ANKS1B: variants seen among roughly 807,000 people sequenced by gnomAD.
ANKS1B encodes the protein ankyrin repeat and sterile alpha motif domain containing 1B.
Under a neutral mutation model 148.3 loss-of-function variants are expected in ANKS1B, and 36 were observed. The observed-to-expected ratio is 0.24, with a 90% CI of 0.19 to 0.32. The LOEUF (loss-of-function observed/expected upper bound fraction) is 0.32. ANKS1B is among the 10% of genes least tolerant of loss of function. The pLI, the probability that ANKS1B is intolerant of heterozygous loss-of-function variation, is 1.00. For missense variants in ANKS1B, 1,157 were observed against 1,542.6 expected, an observed-to-expected ratio of 0.75 and a Z score of 4.19; for synonymous variants, 542 against 560.8, an observed-to-expected ratio of 0.97 and a Z score of 0.47.
At chr12:99,182,316 T>C (rs1161453501) in intron 14 of ANKS1B, among the ~76,000 whole-genome samples, 1 of 152,142 alleles carries the variant, frequency 6.6e-6, no homozygotes, top group Non-Finnish European at 1.5e-5. Context: ...GAGATTTGGG[T>C]GGGGACACAG....
intron 14 of ANKS1B, among the ~76,000 whole-genome samples, chr12:99,229,546 A>G (rs1278748839): frequency 6.6e-6 from 1 of 152,032 alleles, no homozygotes; most frequent in African/African-American, 2.4e-5. Context: ...CTTTGCTATT[A>G]GAACAGAAGA....
chr12:99,339,093 A>T (rs1385234088), intron 12 of ANKS1B, among the ~76,000 whole-genome samples: 1 of 152,070 alleles, frequency 6.6e-6, no homozygotes, highest in Non-Finnish European at 1.5e-5. Flanking sequence ...AAGGGCTAAG[A>T]TTTGCCCAGG....
At chr12:99,582,032 T>G (rs1408504450) in intron 9 of ANKS1B, among the ~76,000 whole-genome samples, 1 of 152,050 alleles carries the variant, frequency 6.6e-6, no homozygotes, top group Non-Finnish European at 1.5e-5. Context: ...TAACTGGTTT[T>G]TGTTTAATCA....
intron 14 of ANKS1B, among the ~76,000 whole-genome samples, chr12:99,183,418 C>T (rs552033570): frequency 6.6e-5 from 10 of 152,162 alleles, no homozygotes; most frequent in African/African-American, 1.9e-4. Context: ...CCAAGGCGGG[C>T]GGATCATGAG....
chr12:99,316,345 T>A (rs1302779245), intron 12 of ANKS1B, among the ~76,000 whole-genome samples: 1 of 151,806 alleles, frequency 6.6e-6, no homozygotes, highest in Admixed American at 6.6e-5. Flanking sequence ...GTTTCCTGAC[T>A]TTTTAATGAT....
rs540887166 is a variant in ANKS1B, at chr12:99,316,687, G to T, written c.1757-69823C>A. Reference sequence around the variant, plus strand: ...TCTTTAGTTTAATTAGATCCCATTTGTCAATTTTGGCTTTTGTTGCCATTG... The same window carrying T: ...TCTTTAGTTTAATTAGATCCCATTTTTCAATTTTGGCTTTTGTTGCCATTG... On this transcript the variant is annotated intron_variant, in intron 12 of 26. Transcript: ENST00000683438. Among the ~76,000 whole-genome samples the T allele has an allele frequency of 2.5e-3, 387 of 152,158 alleles. 2 individuals are homozygous for T. The highest frequency in any genetic ancestry group is 9.1e-3 in the African/African-American group (379 of 41,538).
intron 17 of ANKS1B, among the ~76,000 whole-genome samples, chr12:98,955,676 G>A (rs1409353097): frequency 2.6e-5 from 4 of 152,150 alleles, no homozygotes; most frequent in Non-Finnish European, 5.9e-5. Context: ...GAGAGACAGA[G>A]AGGCATCCAG....
chr12:98,940,416 A>G (rs546864008), intron 17 of ANKS1B, among the ~76,000 whole-genome samples: 21 of 152,274 alleles, frequency 1.4e-4, no homozygotes, highest in Admixed American at 8.5e-4. Flanking sequence ...CCTTTCTTCT[A>G]TCTCTAACCT....
intron 9 of ANKS1B, among the ~76,000 whole-genome samples, chr12:99,560,477 T>C (rs1215379318): frequency 1.3e-5 from 2 of 152,176 alleles, no homozygotes; most frequent in African/African-American, 2.4e-5. Context: ...CTAGCTGTGA[T>C]CTTTAAAATA....
intron 9 of ANKS1B, among the ~76,000 whole-genome samples, chr12:99,593,021 T>A (rs76196180): frequency 6.6e-6 from 1 of 152,232 alleles, no homozygotes; most frequent in East Asian, 1.9e-4. Flanking sequence ...ACCAAAGTTT[T>A]ATTATGCAGA....
At chr12:99,792,806 C>T (rs1438845714) in intron 4 of ANKS1B, among the ~76,000 whole-genome samples, 1 of 151,998 alleles carries the variant, frequency 6.6e-6, no homozygotes, top group Admixed American at 6.6e-5. Flanking sequence ...CACCCACTTT[C>T]ACCACTGTTA....
chr12:99,782,187 T>C, intron 4 of ANKS1B, 90 bp from the exon 5 acceptor site: 1 of 1,048,034 alleles, frequency 9.5e-7, no homozygotes, highest in Non-Finnish European at 1.4e-6. Flanking sequence ...TACATATTCA[T>C]ACATATTTGC....
chr12:99,511,775 T>A (rs549649430), intron 9 of ANKS1B, among the ~76,000 whole-genome samples: 112 of 152,136 alleles, frequency 7.4e-4, no homozygotes, highest in African/African-American at 2.4e-3. Context: ...TACAACAATC[T>A]GATCTTCGAC....
At chr12:99,475,204 C>T (rs1311089330) in intron 10 of ANKS1B, among the ~76,000 whole-genome samples, 2 of 149,458 alleles carry the variant, frequency 1.3e-5, no homozygotes, top group Non-Finnish European at 3.0e-5. Context: ...GAGATCACAC[C>T]ACTGCACTCC....
At chr12:98,894,596 C>G in intron 17 of ANKS1B, 3 of 985,154 alleles carry the variant, frequency 3.0e-6, no homozygotes, top group Non-Finnish European at 2.4e-6. Context: ...GAGCGGGGGC[C>G]GCGGAGCGAG....
intron 14 of ANKS1B, among the ~76,000 whole-genome samples, chr12:99,205,435 T>G (rs527981706): frequency 5.9e-5 from 9 of 152,330 alleles, no homozygotes; most frequent in African/African-American, 1.9e-4. Context: ...ACTAAATTTT[T>G]TTGTTGTTGT....
At chr12:99,336,645 C>A (rs2152308929) in intron 12 of ANKS1B, among the ~76,000 whole-genome samples, 1 of 152,096 alleles carries the variant, frequency 6.6e-6, no homozygotes, top group South Asian at 2.1e-4. Flanking sequence ...AATCTACGTT[C>A]TTAGCACCTT....
intron 11 of ANKS1B, among the ~76,000 whole-genome samples, chr12:99,426,663 C>G (rs1425756225): frequency 6.6e-6 from 1 of 152,114 alleles, no homozygotes; most frequent in Non-Finnish European, 1.5e-5. Flanking sequence ...GAAAATTTTT[C>G]CATCTTCTTT....
chr12:98,876,459 T>G (rs376118262), intron 17 of ANKS1B, among the ~76,000 whole-genome samples: 45 of 152,324 alleles, frequency 3.0e-4, no homozygotes, highest in African/African-American at 1.0e-3. Flanking sequence ...TTAATGTAAT[T>G]GAACAGATTA....
Sources: gnomAD v4.1 joint callset for allele counts (sites outside exome capture counted in the v4.1 genomes callset) on GRCh38, gnomAD v4.1.1 for gene constraint, MANE v1.5 for transcripts, NCBI Gene and HGNC (gene_info 2026-07-23, HGNC 2026-07-21) for gene names.